Variants in CSMD3 observed in about 807,000 individuals in gnomAD.
CSMD3 encodes CUB and sushi domain-containing protein 3.
A neutral mutation model predicts 435.2 loss-of-function variants in CSMD3; 177 were observed. The observed-to-expected ratio is 0.41, with a 90% CI of 0.36 to 0.46. The LOEUF is 0.46. CSMD3 is among the 20% of genes least tolerant of loss of function. The pLI is 0.34. For synonymous variants in CSMD3, 1,656 were observed against 1,520.5 expected (o/e 1.09, Z -2.07); for missense variants, 4,265 against 4,504.6 (o/e 0.95, Z 1.52).
intron 1 of CSMD3, among the ~76,000 whole-genome samples, chr8:113,362,532 C>T (rs1454493321): frequency 2.0e-5 from 3 of 152,162 alleles, no homozygotes; most frequent in Non-Finnish European, 4.4e-5. Flanking sequence ...AAGACTATTG[C>T]AGTGTGAAAC....
chr8:113,374,205 G>C (rs1276128852), intron 1 of CSMD3, among the ~76,000 whole-genome samples: 1 of 151,820 alleles, frequency 6.6e-6, no homozygotes, highest in Non-Finnish European at 1.5e-5. Flanking sequence ...TATAGACACA[G>C]AAACACATGT....
chr8:112,678,995 G>GACT (rs1449981823), intron 16 of CSMD3, among the ~76,000 whole-genome samples: 1 of 150,938 alleles, frequency 6.6e-6, no homozygotes, highest in African/African-American at 2.4e-5. Flanking sequence ...ACAGAAAAAA[G>GACT]GAGACAGGAG....
At chr8:113,031,239 A>G (rs1274292985) in intron 5 of CSMD3, among the ~76,000 whole-genome samples, 1 of 151,784 alleles carries the variant, frequency 6.6e-6, no homozygotes, top group Non-Finnish European at 1.5e-5. Context: ...AACTTTAAAG[A>G]ACACAAATGG....
intron 29 of CSMD3, among the ~76,000 whole-genome samples, chr8:112,504,643 T>C (rs1822318418): frequency 6.6e-6 from 1 of 152,136 alleles, no homozygotes; most frequent in African/African-American, 2.4e-5. Context: ...AATTAGGTAA[T>C]GTGAAAAAGG....
At chr8:112,870,295 G>A (rs1009183965) in intron 10 of CSMD3, among the ~76,000 whole-genome samples, 3 of 150,858 alleles carry the variant, frequency 2.0e-5, no homozygotes, top group Non-Finnish European at 3.0e-5. Flanking sequence ...TTGAGACGGG[G>A]TCTCTCTTTG....
At chr8:113,162,005 A>T (rs1001808011) in intron 4 of CSMD3, among the ~76,000 whole-genome samples, 12 of 152,162 alleles carry the variant, frequency 7.9e-5, no homozygotes, top group Admixed American at 7.2e-4. Context: ...CCATTGAAAC[A>T]TCTTGAAAGG....
intron 5 of CSMD3, among the ~76,000 whole-genome samples, chr8:113,082,383 G>T (rs1354126225): frequency 6.6e-6 from 1 of 152,126 alleles, no homozygotes; most frequent in South Asian, 2.1e-4. Flanking sequence ...CACTGAAATT[G>T]ATTACAGCTA....
intron 7 of CSMD3, among the ~76,000 whole-genome samples, chr8:112,973,303 G>A (rs1391369211): frequency 2.0e-5 from 3 of 151,780 alleles, no homozygotes; most frequent in African/African-American, 7.2e-5. Flanking sequence ...TTAAGCAATT[G>A]GTTTTCGGTT....
At chr8:112,358,380 C>T (rs1330915168) in intron 38 of CSMD3, among the ~76,000 whole-genome samples, 2 of 152,038 alleles carry the variant, frequency 1.3e-5, no homozygotes, top group Non-Finnish European at 2.9e-5. Flanking sequence ...CTTTTGGGGA[C>T]TGTTGGGAAG....
At chr8:113,378,699 A>G (rs1328507879) in intron 1 of CSMD3, among the ~76,000 whole-genome samples, 1 of 152,004 alleles carries the variant, frequency 6.6e-6, no homozygotes, top group Non-Finnish European at 1.5e-5. Context: ...TAGGGGAGAT[A>G]TTGCCACTCC....
chr8:113,026,642 T>C (rs1021300616), intron 5 of CSMD3, among the ~76,000 whole-genome samples: 3 of 152,202 alleles, frequency 2.0e-5, no homozygotes, highest in African/African-American at 7.2e-5. Flanking sequence ...GTCAAGAAAA[T>C]AAATGAAGAG....
chr8:112,579,785 T>C (rs767264732), intron 23 of CSMD3, among the ~76,000 whole-genome samples: 1 of 152,032 alleles, frequency 6.6e-6, no homozygotes, highest in East Asian at 1.9e-4. Context: ...TACAAGAATG[T>C]TATTAATCAA....
chr8:112,368,899 T>C (rs1828048768), intron 38 of CSMD3, among the ~76,000 whole-genome samples: 1 of 152,192 alleles, frequency 6.6e-6, no homozygotes, highest in African/African-American at 2.4e-5. Context: ...AATACCTCTA[T>C]GAAACATTTA....
chr8:112,640,114 T>G (rs921187531), intron 20 of CSMD3, among the ~76,000 whole-genome samples: 1 of 152,118 alleles, frequency 6.6e-6, no homozygotes, highest in East Asian at 1.9e-4. Context: ...AGTGAGTATA[T>G]AGTGGACTCC....
intron 8 of CSMD3, 113 bp downstream of exon 8, chr8:112,954,571 T>C: frequency 2.9e-6 from 2 of 695,342 alleles, no homozygotes; most frequent in Non-Finnish European, 5.3e-6. Flanking sequence ...CAGATATTAA[T>C]GCAGTTAATT....
chr8:112,580,077 A>G (rs980843453), intron 23 of CSMD3, among the ~76,000 whole-genome samples: 1 of 152,076 alleles, frequency 6.6e-6, no homozygotes, highest in Admixed American at 6.6e-5. Context: ...ATTTGAAAAT[A>G]ACAACAAACA....
At chr8:112,755,072 C>T (rs1323762972) in intron 13 of CSMD3, among the ~76,000 whole-genome samples, 1 of 152,118 alleles carries the variant, frequency 6.6e-6, no homozygotes, top group Non-Finnish European at 1.5e-5. Context: ...TGGCTCACGC[C>T]TGTAATCCCA....
At chr8:113,078,297 T>C (rs529362898) in intron 5 of CSMD3, among the ~76,000 whole-genome samples, 1 of 152,328 alleles carries the variant, frequency 6.6e-6, no homozygotes, top group African/African-American at 2.4e-5. Context: ...ATTTTGCTTA[T>C]GCTACTGAGA....
chr8:113,161,850 A>G (rs1229362398), intron 4 of CSMD3, among the ~76,000 whole-genome samples: 3 of 152,138 alleles, frequency 2.0e-5, no homozygotes, highest in Non-Finnish European at 4.4e-5. Context: ...TATCTTTATC[A>G]GCCAAAGTCA....
Sources: gnomAD v4.1 joint callset for allele counts (sites outside exome capture counted in the v4.1 genomes callset) on GRCh38, gnomAD v4.1.1 for gene constraint, MANE v1.5 for transcripts, NCBI Gene and HGNC (gene_info 2026-07-23, HGNC 2026-07-21) for gene names.